MSRA: variants seen among roughly 807,000 people sequenced by gnomAD.
MSRA encodes the protein methionine sulfoxide reductase A.
A neutral mutation model predicts 31.3 loss-of-function variants in MSRA; 54 were observed. The ratio of observed to expected loss-of-function variants is 1.73; its 90% CI spans 1.39 to 2.17. The LOEUF (loss-of-function observed/expected upper bound fraction) is 2.17. Ranked by LOEUF, MSRA falls within the 30% of genes most tolerant of loss-of-function variation. MSRA has a pLI of 0.00. For synonymous variants in MSRA, 169 were observed against 116.5 expected (o/e 1.45, Z -2.90); for missense variants, 507 against 300.9 (o/e 1.69, Z -5.07).
At chr8:10,190,686 A>G (rs1241884324) in intron 1 of MSRA, among the ~76,000 whole-genome samples, 1 of 152,210 alleles carries the variant, frequency 6.6e-6, no homozygotes, top group Non-Finnish European at 1.5e-5. Context: ...ACTTTCCATT[A>G]ACCTACTGTG....
chr8:10,158,741 T>C (rs1804389180), intron 1 of MSRA, among the ~76,000 whole-genome samples: 4 of 152,222 alleles, frequency 2.6e-5, no homozygotes, highest in African/African-American at 7.2e-5. Context: ...GTCTTAGATA[T>C]GTATCTAGGA....
At chr8:10,230,930 A>G (rs770573052) in intron 2 of MSRA, among the ~76,000 whole-genome samples, 2 of 152,088 alleles carry the variant, frequency 1.3e-5, no homozygotes, top group Non-Finnish European at 2.9e-5. Context: ...GATTACCAGT[A>G]TGTGCCACCA....
At chr8:10,195,424 A>G (rs1807885037) in intron 1 of MSRA, among the ~76,000 whole-genome samples, 1 of 152,192 alleles carries the variant, frequency 6.6e-6, no homozygotes, top group Non-Finnish European at 1.5e-5. Context: ...GTATTTTAGC[A>G]GAGATGGGGG....
chr8:10,332,532 G>T (rs891981603), intron 5 of MSRA, among the ~76,000 whole-genome samples: 1 of 150,422 alleles, frequency 6.6e-6, no homozygotes, highest in East Asian at 1.9e-4. Flanking sequence ...TAAAATTACG[G>T]GTGTTATTAT....
chr8:10,319,153 G>C (rs536448303), intron 4 of MSRA, among the ~76,000 whole-genome samples: 5 of 152,200 alleles, frequency 3.3e-5, no homozygotes, highest in South Asian at 2.1e-4. Context: ...TGTTTCCCCT[G>C]ATTATATTAG....
chr8:10,251,604 C>T (rs190451941), intron 3 of MSRA, among the ~76,000 whole-genome samples: 237 of 152,218 alleles, frequency 1.6e-3, no homozygotes, highest in African/African-American at 5.6e-3. Flanking sequence ...AACCAAGAGG[C>T]AGAAAGCAGG....
chr8:10,307,025 G>C (rs559182064), intron 4 of MSRA, among the ~76,000 whole-genome samples: 100 of 152,314 alleles, frequency 6.6e-4, no homozygotes, highest in Admixed American at 1.6e-3. Flanking sequence ...GAGGAGCAAT[G>C]AGGTTCCAAA....
intron 1 of MSRA, among the ~76,000 whole-genome samples, chr8:10,190,432 A>G (rs957257734): frequency 3.3e-5 from 5 of 152,150 alleles, no homozygotes; most frequent in Admixed American, 6.5e-5. Flanking sequence ...CCAGCACGTC[A>G]TGCTGCTAGT....
chr8:10,324,746 GA>G (rs1263693495), intron 5 of MSRA, among the ~76,000 whole-genome samples: 1 of 152,232 alleles, frequency 6.6e-6, no homozygotes, highest in African/African-American at 2.4e-5. Flanking sequence ...AAGGGGCAGA[GA>G]GACTGGGGAG....
intron 2 of MSRA, among the ~76,000 whole-genome samples, chr8:10,215,992 A>C (rs900361287): frequency 2.0e-5 from 3 of 152,242 alleles, no homozygotes. Context: ...TAACTTTTTT[A>C]AGAAGAGAAA....
chr8:10,118,708 C>T (rs771493974), intron 1 of MSRA, among the ~76,000 whole-genome samples: 14 of 152,286 alleles, frequency 9.2e-5, no homozygotes, highest in African/African-American at 2.2e-4. Flanking sequence ...CCTCTGAGGA[C>T]GCCTGGCCTC....
chr8:10,323,772 GTGTC>G (rs1371702245), intron 5 of MSRA, among the ~76,000 whole-genome samples: 2 of 151,038 alleles, frequency 1.3e-5, no homozygotes, highest in African/African-American at 2.4e-5. Context: ...GTGTGTGTGT[GTGTC>G]TGTGTCTGTC....
chr8:10,119,324 T>C (rs145252532), intron 1 of MSRA, among the ~76,000 whole-genome samples: 1 of 152,356 alleles, frequency 6.6e-6, no homozygotes, highest in Non-Finnish European at 1.5e-5. Flanking sequence ...AATAAGATGA[T>C]GGCAGAACGC....
At chr8:10,290,086 A>T (rs1312498135) in intron 3 of MSRA, among the ~76,000 whole-genome samples, 4 of 152,208 alleles carry the variant, frequency 2.6e-5, no homozygotes, top group Non-Finnish European at 5.9e-5. Flanking sequence ...TGGCCTCTCT[A>T]GCAGATTATG....
At chr8:10,133,471 C>T (rs1337340627) in intron 1 of MSRA, among the ~76,000 whole-genome samples, 5 of 152,184 alleles carry the variant, frequency 3.3e-5, no homozygotes, top group Non-Finnish European at 1.5e-5. Flanking sequence ...TCTTAGGTCT[C>T]TCCTCTGTGC....
chr8:10,286,670 T>A (rs535970723), intron 3 of MSRA, among the ~76,000 whole-genome samples: 1 of 152,260 alleles, frequency 6.6e-6, no homozygotes, highest in Non-Finnish European at 1.5e-5. Context: ...ACACTTTCTA[T>A]CCTGTGTTTT....
At chr8:10,057,103 C>T (rs958284695) in intron 1 of MSRA, among the ~76,000 whole-genome samples, 2 of 152,182 alleles carry the variant, frequency 1.3e-5, no homozygotes, top group Non-Finnish European at 2.9e-5. Flanking sequence ...CAAAGTTTTT[C>T]AGTGTTTAAT....
chr8:10,194,338 A>G lies in MSRA; in HGVS notation c.143-13495A>G, dbSNP rs190282357. On this transcript the variant is annotated intron_variant, in intron 1 of 5. Transcript: ENST00000317173. The stretch of plus-strand genomic sequence containing the variant: ...TCCCAGCACTTTGGGAAGCCGAGAC[A>G]GGTGGATCACTTGAGGTCAGGAGTT... Among the ~76,000 whole-genome samples, 549 of 152,282 alleles carry G rather than the reference A, an allele frequency of 3.6e-3. 5 individuals carry two copies. Among genetic ancestry groups the G allele is most frequent in the African/African-American group, 0.012 (500 of 41,560 alleles).
rs118155785 is a variant in MSRA at position 10,225,578 on chromosome 8, T to C, written c.211+17677T>C. Reference sequence around the variant, plus strand: ...GAAGAACTAATTTTAAAAGTTTAGGTTTGAATAGAGGAGCAAAAAGTCATA... The same window carrying C: ...GAAGAACTAATTTTAAAAGTTTAGGCTTGAATAGAGGAGCAAAAAGTCATA... On this transcript the variant is annotated intron_variant, in intron 2 of 5. Coordinates refer to ENST00000317173, the MANE Select transcript of MSRA (RefSeq NM_012331.5). Among the ~76,000 whole-genome samples, 825 of 152,228 alleles carry C rather than the reference T, an allele frequency of 5.4e-3. 6 individuals are homozygous for C. Among genetic ancestry groups the C allele is most frequent in the East Asian group, 0.01 (53 of 5,180 alleles).
Sources: gnomAD v4.1 joint callset for allele counts (sites outside exome capture counted in the v4.1 genomes callset) on GRCh38, gnomAD v4.1.1 for gene constraint, MANE v1.5 for transcripts, NCBI Gene and HGNC (gene_info 2026-07-23, HGNC 2026-07-21) for gene names.